The following BASP1 variants were observed in gnomAD, a reference collection of about 807,000 sequenced individuals.
BASP1 encodes brain acid soluble protein 1.
In BASP1, 1 loss-of-function variant was observed where a neutral mutation model predicts 2.2. That is an observed-to-expected ratio of 0.46 (90% confidence interval 0.16 to 2.17). The LOEUF (loss-of-function observed/expected upper bound fraction) is 2.17, where lower values mean the gene tolerates loss of function less well. Among genes scored for constraint, BASP1 ranks in the 30% most tolerant of loss-of-function variants. The pLI is 0.27. For missense variants in BASP1, 352 were observed against 327.2 expected (o/e 1.08, Z -0.58); for synonymous variants, 187 against 154.2 (o/e 1.21, Z -1.58).
intron 1 of BASP1, among the ~76,000 whole-genome samples, chr5:17,259,196 C>T (rs898897196): frequency 6.6e-5 from 10 of 152,068 alleles, no homozygotes; most frequent in Non-Finnish European, 1.3e-4. Flanking sequence ...TGGTGGCAGG[C>T]AAAAAGAGAA....
chr5:17,217,085 A>T (rs1158852455), upstream of BASP1: 2 of 141,380 alleles, frequency 1.4e-5, no homozygotes, highest in African/African-American at 5.7e-5. Flanking sequence ...AGAGAGAGAG[A>T]GAGAGAGAGA....
chr5:17,254,061 A>G (rs1405475060), intron 1 of BASP1, among the ~76,000 whole-genome samples: 1 of 152,108 alleles, frequency 6.6e-6, no homozygotes, highest in Non-Finnish European at 1.5e-5. Context: ...AGTTTTTGGT[A>G]ATTTGAACTA....
chr5:17,263,166 T>C (rs1442301931), intron 1 of BASP1, among the ~76,000 whole-genome samples: 1 of 152,186 alleles, frequency 6.6e-6, no homozygotes, highest in Non-Finnish European at 1.5e-5. Flanking sequence ...TCTATTTTTC[T>C]AGACTAATTC....
In BASP1 at chr5:17,261,693, T is replaced by A. The variant is rs192719439; in HGVS notation, c.-9-13515T>A. 6.2e-4 allele frequency among the ~76,000 whole-genome samples: 94 copies of A among 152,304 alleles called. 1 individual carries two copies. In the East Asian group the frequency reaches 0.018, roughly 28 times the overall value. On this transcript the variant is annotated intron_variant, in intron 1 of 1. Transcript: ENST00000322611. The stretch of plus-strand genomic sequence containing the variant: ...TAACTTTCTGAATCTCCCAGAACTT[T>A]GCGCTGTCAAGATTCCTCCCTCAAC...
chr5:17,233,909 G>A (rs1739686141), intron 1 of BASP1, among the ~76,000 whole-genome samples: 1 of 152,036 alleles, frequency 6.6e-6, no homozygotes, highest in Non-Finnish European at 1.5e-5. Context: ...CGGACAGATT[G>A]CCTGAGTTCA....
chr5:17,236,317 G>A lies in BASP1; in HGVS notation c.-10+18507G>A, dbSNP rs1430420324. 1.3e-5 allele frequency among the ~76,000 whole-genome samples: 2 copies of A among 152,208 alleles called. No individual in the cohort carries two copies. The highest frequency in any genetic ancestry group is 4.8e-5 in the African/African-American group (2 of 41,448). On this transcript the variant is annotated intron_variant, in intron 1 of 1. Coordinates refer to ENST00000322611, the MANE Select transcript of BASP1 (RefSeq NM_006317.5). This position sits in a 1 kb window ranked among gnomAD's most constrained non-coding sequence, Gnocchi z 4.0. ...TCACTCTTGTTGCCCAGGCTGGAGT[G>A]TAATGGCGTGATCTCGGCTCACTGT...
At position 17,251,237 on chromosome 5, in the gene BASP1, C is replaced by T. The variant is rs1393814267; in HGVS notation, c.-9-23971C>T. Among the ~76,000 whole-genome samples the T allele has an allele frequency of 6.6e-6, 1 of 151,986 alleles. No individual in the cohort carries two copies. Among genetic ancestry groups the T allele is most frequent in the Admixed American group, 6.6e-5 (1 of 15,262 alleles). ...ACAAAACCATTAAATATCCCAAATA[C>T]CCCGATTTTATCATTACACATTGTA... On this transcript the variant is annotated intron_variant, in intron 1 of 1. Coordinates refer to ENST00000322611, the MANE Select transcript of BASP1 (RefSeq NM_006317.5). This position sits in a 1 kb window ranked among gnomAD's most constrained non-coding sequence, Gnocchi z 4.0.
At chr5:17,225,571 C>T (rs1739483623) in intron 1 of BASP1, among the ~76,000 whole-genome samples, 1 of 152,170 alleles carries the variant, frequency 6.6e-6, no homozygotes. Flanking sequence ...CCAAAATGCA[C>T]AGTGGTTGGG....
At chr5:17,265,539 T>A (rs1740401209) in intron 1 of BASP1, among the ~76,000 whole-genome samples, 1 of 152,200 alleles carries the variant, frequency 6.6e-6, no homozygotes, top group Middle Eastern at 3.2e-3. Context: ...GGGCATCTTT[T>A]AGAAACCTGA....
intron 1 of BASP1, among the ~76,000 whole-genome samples, chr5:17,243,909 T>A (rs1739923037): frequency 6.6e-6 from 1 of 152,214 alleles, no homozygotes; most frequent in Non-Finnish European, 1.5e-5. Flanking sequence ...CTTGCCAGAA[T>A]GTTCATCGTG....
At chr5:17,250,290 G>A (rs974795124) in intron 1 of BASP1, among the ~76,000 whole-genome samples, 10 of 152,266 alleles carry the variant, frequency 6.6e-5, no homozygotes, top group East Asian at 1.9e-4. Flanking sequence ...TTAAAAGGTC[G>A]CTTTGTTCTT....
chr5:17,234,325 A>C (rs1159417519), intron 1 of BASP1, among the ~76,000 whole-genome samples: 3 of 152,164 alleles, frequency 2.0e-5, no homozygotes, highest in African/African-American at 7.2e-5. Flanking sequence ...CTGCTCTATA[A>C]ATATGTTATT....
intron 1 of BASP1, among the ~76,000 whole-genome samples, chr5:17,241,169 G>A (rs938378597): frequency 1.3e-5 from 2 of 149,314 alleles, no homozygotes; most frequent in South Asian, 2.1e-4. Flanking sequence ...ATGTGATCTC[G>A]CCTCACTGCA....
At chr5:17,267,729 CG>C (rs1652359548) in intron 1 of BASP1, among the ~76,000 whole-genome samples, 1 of 145,810 alleles carries the variant, frequency 6.9e-6, no homozygotes, top group Non-Finnish European at 1.5e-5. Context: ...ATGTTGGCCA[CG>C]CTTGTCTTGA....
At chr5:17,269,937 T>G (rs962884418) in intron 1 of BASP1, among the ~76,000 whole-genome samples, 1 of 152,204 alleles carries the variant, frequency 6.6e-6, no homozygotes. Flanking sequence ...TTCTCTTGTT[T>G]CCTTGGACCA....
chr5:17,247,300 T>G (rs1407111169), intron 1 of BASP1, among the ~76,000 whole-genome samples: 1 of 152,226 alleles, frequency 6.6e-6, no homozygotes, highest in Admixed American at 6.5e-5. Context: ...GTTCTGAACA[T>G]GTAAAGTATA....
intron 1 of BASP1, among the ~76,000 whole-genome samples, chr5:17,243,368 A>T (rs529782660): frequency 5.1e-4 from 78 of 152,182 alleles, no homozygotes; most frequent in African/African-American, 1.9e-3. Flanking sequence ...TGGCCAGGCT[A>T]GTCTCGAAGT....
Position 17,236,488 on chromosome 5 carries a change from C to T in BASP1, c.-10+18678C>T, listed in dbSNP as rs969041797. Among the ~76,000 whole-genome samples the T allele has an allele frequency of 5.9e-5, 9 of 152,266 alleles. No individual in the cohort carries two copies. Among genetic ancestry groups the T allele is most frequent in the South Asian group, 2.1e-4 (1 of 4,824 alleles). On this transcript the variant is annotated intron_variant, in intron 1 of 1. Transcript: ENST00000322611. This position sits in a 1 kb window ranked among gnomAD's most constrained non-coding sequence, Gnocchi z 4.0. ...CCTTGTTGGTCAGGCTGGTCTCAAACTCCTGACCTTAGGTGATCCGCCTGC... is the reference window on the plus strand; with the variant it reads ...CCTTGTTGGTCAGGCTGGTCTCAAATTCCTGACCTTAGGTGATCCGCCTGC...
chr5:17,229,662 C>G (rs1300291993), intron 1 of BASP1, among the ~76,000 whole-genome samples: 1 of 152,180 alleles, frequency 6.6e-6, no homozygotes, highest in Non-Finnish European at 1.5e-5. Flanking sequence ...GGCACCAATG[C>G]TCTCCTCCTG....
Sources: gnomAD v4.1 joint callset for allele counts (sites outside exome capture counted in the v4.1 genomes callset) on GRCh38, gnomAD v4.1.1 for gene constraint, Gnocchi (gnomAD v3.1) non-coding constraint, MANE v1.5 for transcripts, NCBI Gene and HGNC (gene_info 2026-07-23, HGNC 2026-07-21) for gene names.